The following CAMTA1 variants were observed in gnomAD, a reference collection of about 807,000 sequenced individuals.
The protein encoded by CAMTA1 is calmodulin-binding transcription activator 1.
In CAMTA1, 27 loss-of-function variants were observed where a neutral mutation model predicts 170.9. The ratio of observed to expected loss-of-function variants is 0.16; its 90% CI spans 0.12 to 0.22. The LOEUF (loss-of-function observed/expected upper bound fraction) is 0.22. Among genes scored for constraint, CAMTA1 ranks in the 10% least tolerant of loss-of-function variants. The pLI is 1.00. For synonymous variants in CAMTA1, 833 were observed against 891.5 expected, an observed-to-expected ratio of 0.93 and a Z score of 1.17; for missense variants, 1,619 against 2,217.2, an observed-to-expected ratio of 0.73 and a Z score of 5.42.
chr1:7,128,503 A>C (rs1211668727), intron 4 of CAMTA1, among the ~76,000 whole-genome samples: 1 of 152,222 alleles, frequency 6.6e-6, no homozygotes, highest in Non-Finnish European at 1.5e-5. Flanking sequence ...CAACAGAAAC[A>C]GGGTTGAGTG....
chr1:7,655,119 CACACACCTCTAT>C (rs1364450464), intron 7 of CAMTA1, among the ~76,000 whole-genome samples: 2 of 144,338 alleles, frequency 1.4e-5, no homozygotes, highest in Non-Finnish European at 3.0e-5. Context: ...CACACCTATA[CACACACCTCTAT>C]ACACACAAAC....
chr1:7,606,320 A>G (rs2095486227), intron 6 of CAMTA1, among the ~76,000 whole-genome samples: 1 of 152,160 alleles, frequency 6.6e-6, no homozygotes, highest in African/African-American at 2.4e-5. Flanking sequence ...GCCGGCCATG[A>G]TGCAGGCTGG....
intron 5 of CAMTA1, among the ~76,000 whole-genome samples, chr1:7,309,909 T>C (rs1676200804): frequency 6.6e-6 from 1 of 152,040 alleles, no homozygotes; most frequent in Admixed American, 6.5e-5. Context: ...GTAAGGAATG[T>C]TATAATTTTT....
At chr1:7,569,332 C>CCAT (rs372675712) in intron 6 of CAMTA1, among the ~76,000 whole-genome samples, 6 of 146,380 alleles carry the variant, frequency 4.1e-5, no homozygotes, top group South Asian at 2.3e-4. Flanking sequence ...CACCACATCA[C>CCAT]CATCATCATC....
chr1:6,926,433 C>CT (rs1557837427), intron 3 of CAMTA1, among the ~76,000 whole-genome samples: 1 of 123,890 alleles, frequency 8.1e-6, no homozygotes, highest in Non-Finnish European at 1.7e-5. Context: ...CTCTTTCTTT[C>CT]TTTTCTCTTT....
At chr1:6,838,528 C>T (rs1379544875) in intron 3 of CAMTA1, among the ~76,000 whole-genome samples, 1 of 152,182 alleles carries the variant, frequency 6.6e-6, no homozygotes, top group Non-Finnish European at 1.5e-5. Context: ...ACTCTGAACT[C>T]TACCATCTGA....
intron 5 of CAMTA1, among the ~76,000 whole-genome samples, chr1:7,322,462 G>C (rs373925270): frequency 6.6e-6 from 1 of 152,222 alleles, no homozygotes; most frequent in Non-Finnish European, 1.5e-5. Flanking sequence ...AAATGAATGC[G>C]TGTGGCTATG....
At chr1:6,844,754 A>G (rs1490733720) in intron 3 of CAMTA1, among the ~76,000 whole-genome samples, 1 of 151,864 alleles carries the variant, frequency 6.6e-6, no homozygotes, top group African/African-American at 2.4e-5. Flanking sequence ...AGATTATTGA[A>G]CAGCAGTGAG....
rs973910024 is a variant in CAMTA1, at chr1:7,299,523, C to T, written c.438+49897C>T. On this transcript the variant is annotated intron_variant, in intron 5 of 22. Coordinates refer to ENST00000303635, the MANE Select transcript of CAMTA1 (RefSeq NM_015215.4). The surrounding 1 kb of genome is among the most constrained non-coding windows in gnomAD (Gnocchi z 4.7). ...CTCCTGCTGCTGCATGACTCAGACT[C>T]GGAGAGCTTCCAACCTCGCAATGAG... 2.6e-5 allele frequency among the ~76,000 whole-genome samples: 4 copies of T among 152,226 alleles called. No homozygotes were observed. The highest frequency in any genetic ancestry group is 7.2e-5 in the African/African-American group (3 of 41,462).
At chr1:6,845,506 A>G (rs1195226611) in intron 3 of CAMTA1, among the ~76,000 whole-genome samples, 3 of 152,270 alleles carry the variant, frequency 2.0e-5, no homozygotes, top group African/African-American at 7.2e-5. Context: ...CTGTGCATAT[A>G]TTAAAAAATA....
At chr1:7,763,471 T>C (rs1577513472) in intron 22 of CAMTA1, among the ~76,000 whole-genome samples, 1 of 152,362 alleles carries the variant, frequency 6.6e-6, no homozygotes, top group East Asian at 1.9e-4. Flanking sequence ...TACGTGGACA[T>C]GCACCTCTCC....
chr1:6,794,832 AT>A (rs1455026394), intron 1 of CAMTA1, among the ~76,000 whole-genome samples: 2 of 151,344 alleles, frequency 1.3e-5, no homozygotes, highest in African/African-American at 2.4e-5. Flanking sequence ...AGTAAATCAA[AT>A]TTTTATAATC....
intron 5 of CAMTA1, among the ~76,000 whole-genome samples, chr1:7,307,085 A>G (rs537812272): frequency 2.3e-4 from 35 of 152,056 alleles, no homozygotes; most frequent in South Asian, 1.5e-3. Flanking sequence ...AGGGACAACC[A>G]TATATCTCTC....
intron 11 of CAMTA1, among the ~76,000 whole-genome samples, chr1:7,703,335 T>C (rs1326464840): frequency 6.6e-6 from 1 of 152,012 alleles, no homozygotes; most frequent in East Asian, 1.9e-4. Context: ...ACAGGTGCAG[T>C]GGGAATACTG....
In CAMTA1 at chr1:7,276,303, A is replaced by ATAT; in HGVS notation, c.438+26678_438+26679insATT. ...CATATATATATATATATATATATAT[A>ATAT]TTTTTTTTTTTTTTTTTTCTTTTTG... On this transcript the variant is annotated intron_variant, in intron 5 of 22. Transcript: ENST00000303635. 8.3e-5 allele frequency among the ~76,000 whole-genome samples: 2 copies of ATAT among 24,226 alleles called. 1 individual carries two copies. Among genetic ancestry groups the ATAT allele is most frequent in the African/African-American group, 6.0e-4 (2 of 3,360 alleles). 15.9% of individuals were successfully genotyped at this position (24,226 alleles called of 152,430 possible). A position where few individuals can be genotyped will look rare whatever the true frequency, so the allele number is the denominator to read the frequency against.
At chr1:7,372,176 C>G (rs2086523789) in intron 5 of CAMTA1, among the ~76,000 whole-genome samples, 1 of 152,182 alleles carries the variant, frequency 6.6e-6, no homozygotes, top group Admixed American at 6.5e-5. Context: ...TATCCTAAAT[C>G]CCTCCCCAAC....
chr1:7,467,442 A>C (rs2093237332), intron 5 of CAMTA1, among the ~76,000 whole-genome samples: 1 of 152,202 alleles, frequency 6.6e-6, no homozygotes, highest in South Asian at 2.1e-4. Flanking sequence ...ACCATCAGCC[A>C]TTCCCTGTAC....
chr1:7,735,930 G>A lies in CAMTA1; in HGVS notation c.3067-414G>A, dbSNP rs187171194. The stretch of plus-strand genomic sequence containing the variant: ...TGGGATTACAGGCACCCACCACCAC[G>A]CCTGGCTAATTTTTGTATTTTTAGT... On this transcript the variant is annotated intron_variant, in intron 12 of 22. Transcript: ENST00000303635. 4.8e-3 allele frequency among the ~76,000 whole-genome samples: 725 copies of A among 152,058 alleles called. 2 individuals carry two copies. In the Middle Eastern group the frequency reaches 0.068, roughly 14 times the overall value.
At chr1:7,005,880 T>C (rs1300331516) in intron 3 of CAMTA1, among the ~76,000 whole-genome samples, 3 of 152,358 alleles carry the variant, frequency 2.0e-5, no homozygotes, top group Non-Finnish European at 4.4e-5. Flanking sequence ...AGAATCCAAG[T>C]GGCTCAACAG....
Sources: allele counts gnomAD v4.1 joint callset (sites outside exome capture counted in the v4.1 genomes callset), GRCh38; gene constraint gnomAD v4.1.1; non-coding constraint Gnocchi (gnomAD v3.1); transcripts MANE v1.5; gene names NCBI Gene and HGNC (gene_info 2026-07-23, HGNC 2026-07-21).